The following VWF variants were observed in gnomAD, a reference collection of about 807,000 sequenced individuals.
The protein encoded by VWF is von Willebrand factor, also known as Factor VIII related antigen.
In VWF, 176 loss-of-function variants were observed where a neutral mutation model predicts 308.6. The ratio of observed to expected loss-of-function variants is 0.57; its 90% confidence interval spans 0.50 to 0.65. The LOEUF (loss-of-function observed/expected upper bound fraction) is 0.65, where lower values mean the gene tolerates loss of function less well. Among genes scored for constraint, VWF ranks in the 30% least tolerant of loss-of-function variants. The probability of loss-of-function intolerance (pLI) is 0.00; values close to 1 mark genes in which losing one functional copy is unlikely to be tolerated. For synonymous variants in VWF, 1,385 were observed against 1,443.4 expected, an observed-to-expected ratio of 0.96 and a Z score of 0.92; for missense variants, 3,146 against 3,648.2, an observed-to-expected ratio of 0.86 and a Z score of 3.55.
rs202071997 is a variant in VWF at position 5,970,603 on chromosome 12, ACC to A, written c.7548+994_7548+995del. On this transcript the variant is annotated intron_variant, in intron 44 of 51. Coordinates refer to ENST00000261405, the MANE Select transcript of VWF (RefSeq NM_000552.5). ...GGGAGGGGAGAACACAGGGAAGAGAACCCATAGGCAACTCGGACTAGAGGGGG... is the reference window on the plus strand; with the variant it reads ...GGGAGGGGAGAACACAGGGAAGAGAACATAGGCAACTCGGACTAGAGGGGG... Among the ~76,000 whole-genome samples the A allele has an allele frequency of 6.8e-3, 1,039 of 152,260 alleles. 12 individuals carry two copies. Among genetic ancestry groups the A allele is most frequent in the African/African-American group, 0.024 (993 of 41,548 alleles).
intron 14 of VWF, 62 bp from the exon 15 acceptor site, chr12:6,057,134 G>T (rs1231434626): frequency 7.0e-7 from 1 of 1,425,408 alleles, no homozygotes; most frequent in African/African-American, 1.4e-5. Context: ...ACGCCCTCCC[G>T]GTCAACACTC....
At chr12:6,057,484 TTA>T (rs773631137) in intron 14 of VWF, among the ~76,000 whole-genome samples, 700 of 49,842 alleles carry the variant, frequency 0.014, 5 homozygotes, top group African/African-American at 0.035. Flanking sequence ...GGCAAATTTA[TTA>T]TTATTATTAT....
intron 1 of VWF, among the ~76,000 whole-genome samples, chr12:6,123,483 C>T (rs1945453742): frequency 6.6e-6 from 1 of 152,206 alleles, no homozygotes; most frequent in Non-Finnish European, 1.5e-5. Flanking sequence ...TGCCTTCCCT[C>T]CAGGCCCGCT....
chr12:5,983,208 T>C lies in VWF; in HGVS notation c.7023A>G (p.Glu2341=), dbSNP rs778368322. The C allele has an allele frequency of 7.4e-6, 12 of 1,614,106 alleles. No homozygotes were observed. The highest frequency in any genetic ancestry group is 1.0e-5 in the Non-Finnish European group (12 of 1,180,018). Residue 2341 remains glutamate, a synonymous_variant, in exon 41 of 52, where the codon GAA becomes GAG. Transcript: ENST00000261405. ...TGGTCAGTGTGGGCTGGAGGCCACG[T>C]TCACAGTGAGGCACTGGGGGCAGGT... ...SCDLPPVPHC[E]RGLQPTLTNP... is the part of the protein sequence containing the mutation.
intron 44 of VWF, among the ~76,000 whole-genome samples, chr12:5,970,426 G>C (rs1416396180): frequency 6.6e-6 from 1 of 152,152 alleles, no homozygotes; most frequent in South Asian, 2.1e-4. Context: ...TGAGAGATGG[G>C]GAAAGGGGCA....
chr12:5,952,026 T>C (rs933111730), intron 49 of VWF, 143 bp from the exon 50 acceptor site: 8 of 851,888 alleles, frequency 9.4e-6, no homozygotes, highest in Middle Eastern at 4.4e-4. Flanking sequence ...CTATCATAAA[T>C]GTGAGCAGCT....
At position 6,034,819 on chromosome 12, in the gene VWF, G is replaced by C. The variant is rs772534075; in HGVS notation, c.2554C>G (p.Gln852Glu). ...TCTGTGCAGTTCCACTTCCGGTCCTGACAGACACTAGGAGCAGTCATGGCA... is the reference window on the plus strand; with the variant it reads ...TCTGTGCAGTTCCACTTCCGGTCCTCACAGACACTAGGAGCAGTCATGGCA... Reference protein sequence around the residue: ...VKIGCNTCVCQDRKWNCTDHV... With the variant: ...VKIGCNTCVCEDRKWNCTDHV... Residue 852 changes from glutamine (Q) to glutamate (E), a missense_variant, in exon 20 of 52, where the codon CAG becomes GAG. This residue lies in a region of VWF where 1,304 missense variants were observed against 1,353.0 expected (regional missense o/e 0.96). Transcript: ENST00000261405. 1.7e-5 allele frequency: 28 copies of C among 1,614,018 alleles called. 1 individual carries two copies. In the Admixed American group the frequency reaches 4.5e-4, roughly 26 times the overall value.
intron 47 of VWF, among the ~76,000 whole-genome samples, chr12:5,962,487 G>A (rs1943330286): frequency 6.6e-6 from 1 of 150,632 alleles, no homozygotes; most frequent in Non-Finnish European, 1.5e-5. Context: ...GATAGACAAA[G>A]GATCAGAAAA....
Position 6,046,729 on chromosome 12 carries a change from G to T in VWF, c.2275C>A (p.His759Asn). The stretch of plus-strand genomic sequence containing the variant: ...CCAGGGGGACAGTACTCACTGCGAT[G>T]AGACAGGGGACTGCTGAGGACAGCG... ...PDAVLSSPLS[H>N]RSKRSLSCRP... The change falls in exon 17 of 52, where the codon CAT (histidine) becomes AAT (asparagine). Residue 759 changes from histidine to asparagine, a missense_variant. By Grantham distance (68) the His-to-Asn change is moderately conservative (BLOSUM62 1). Coordinates refer to ENST00000261405, the MANE Select transcript of VWF (RefSeq NM_000552.5). The surrounding 1 kb of genome is among the most constrained non-coding windows in gnomAD (Gnocchi z 5.0). The T allele has an allele frequency of 6.2e-7, 1 of 1,614,120 alleles. No homozygotes were observed. The highest frequency in any genetic ancestry group is 8.5e-7 in the Non-Finnish European group (1 of 1,180,008).
intron 6 of VWF, among the ~76,000 whole-genome samples, chr12:6,085,980 G>A (rs1441747657): frequency 6.6e-6 from 1 of 152,146 alleles, no homozygotes; most frequent in Admixed American, 6.5e-5. Context: ...CATGAGGCTA[G>A]ACCCCCAAGG....
At chr12:6,079,063 T>C (rs1180108066) in intron 6 of VWF, among the ~76,000 whole-genome samples, 1 of 152,224 alleles carries the variant, frequency 6.6e-6, no homozygotes, top group Non-Finnish European at 1.5e-5. Context: ...GTTTCTTTCT[T>C]AGCAGAAACA....
chr12:6,086,980 A>G (rs1457077837), intron 6 of VWF, among the ~76,000 whole-genome samples: 1 of 152,206 alleles, frequency 6.6e-6, no homozygotes, highest in Non-Finnish European at 1.5e-5. Context: ...ATGCTGTTTC[A>G]GAGGAGGCGG....
In VWF at chr12:6,016,200, T is replaced by C; in HGVS notation, c.5344A>G (p.Thr1782Ala). The C allele has an allele frequency of 6.2e-7, 1 of 1,614,166 alleles. No individual in the cohort carries two copies. The change falls in exon 31 of 52, where the codon ACT becomes GCT. Residue 1782 changes from threonine to alanine, a missense_variant. This residue lies in a region of VWF where 853 missense variants were observed against 1,177.8 expected (regional missense o/e 0.72). Coordinates refer to ENST00000261405, the MANE Select transcript of VWF (RefSeq NM_000552.5). ...DALGFAVRYLTSEMHGARPGA... is the reference protein window; with the variant it reads ...DALGFAVRYLASEMHGARPGA... ...GGCCTGGCACCATGCATTTCTGAAG[T>C]CAAGTATCGCACAGCAAAGCCCAAG... is the stretch of plus-strand genomic sequence containing the variant.
At chr12:5,979,917 T>G in intron 42 of VWF, among the ~76,000 whole-genome samples, 1 of 148,890 alleles carries the variant, frequency 6.7e-6, no homozygotes, top group East Asian at 2.0e-4. Flanking sequence ...GGCGGGCGCC[T>G]GTAGTCCCAG....
chr12:6,110,596 G>GAACTT lies in VWF; in HGVS notation c.324-15_324-14insAAGTT. On this transcript the variant is annotated splice_polypyrimidine_tract_variant and intron_variant, in intron 4 of 51. Coordinates refer to ENST00000261405, the MANE Select transcript of VWF (RefSeq NM_000552.5). ...GGCATGGAGACTCTGGAGGGCAAAG[G>GAACTT]CTAAGTTCAGAAGTGGGCTTCTTGT... 4 of 1,613,488 alleles carry GAACTT rather than the reference G, an allele frequency of 2.5e-6. No individual in the cohort carries two copies. The highest frequency in any genetic ancestry group is 3.4e-6 in the Non-Finnish European group (4 of 1,179,480).
rs1324965095 is a variant in VWF at position 6,020,750 on chromosome 12, G to T, written c.3675-1007C>A. Among the ~76,000 whole-genome samples the T allele has an allele frequency of 6.6e-6, 1 of 152,252 alleles. No homozygotes were observed. The highest frequency in any genetic ancestry group is 1.5e-5 in the Non-Finnish European group (1 of 68,040). On this transcript the variant is annotated intron_variant, in intron 27 of 51. Transcript: ENST00000261405. The surrounding 1 kb of genome is among the most constrained non-coding windows in gnomAD (Gnocchi z 4.3). ...AGCTGACAAGGCGGCAGCGCCCTGA[G>T]CCTGGGAAGTGTCCCCCTGCGGCTT...
chr12:6,026,000 T>C lies in VWF; in HGVS notation c.3014A>G (p.Asn1005Ser), dbSNP rs749285654. Reference sequence around the variant, plus strand: ...TTGGAGGTTGCTGCTGGTGAGGTCATTGTTCTGGATGCCATCAAAATTCCC... The same window carrying C: ...TTGGAGGTTGCTGCTGGTGAGGTCACTGTTCTGGATGCCATCAAAATTCCC... Reference protein sequence around the residue: ...LCGNFDGIQNNDLTSSNLQVE... With the variant: ...LCGNFDGIQNSDLTSSNLQVE... Residue 1005 changes from asparagine to serine, a missense_variant, in exon 23 of 52, where the codon AAT (asparagine) becomes AGT (serine). Coordinates refer to ENST00000261405, the MANE Select transcript of VWF (RefSeq NM_000552.5). The C allele has an allele frequency of 8.1e-6, 13 of 1,613,860 alleles. No individual in the cohort carries two copies. The highest frequency in any genetic ancestry group is 2.7e-5 in the African/African-American group (2 of 74,918).
In VWF at chr12:5,962,875, G is replaced by A. The variant is rs568582655; in HGVS notation, c.7887+4611C>T. 5.3e-5 allele frequency among the ~76,000 whole-genome samples: 8 copies of A among 152,258 alleles called. 1 individual carries two copies. Among genetic ancestry groups the A allele is most frequent in the Middle Eastern group, 3.4e-3 (1 of 294 alleles). On this transcript the variant is annotated intron_variant, in intron 47 of 51. Transcript: ENST00000261405. ...GCAATTCATTTTTTACAAAGGCACC[G>A]ACATAATTTAATGAGGAAAGGATCA...
At chr12:5,999,471 T>TACACACACACACA (rs71445688) in intron 34 of VWF, among the ~76,000 whole-genome samples, 1 of 143,558 alleles carries the variant, frequency 7.0e-6, no homozygotes, top group East Asian at 2.0e-4. Context: ...TGTACACACA[T>TACACACACACACA]ACACACACAC....
Sources: gnomAD v4.1 joint callset for allele counts (sites outside exome capture counted in the v4.1 genomes callset) on GRCh38, gnomAD v4.1.1 for gene constraint, gnomAD v4.1.1 regional missense constraint, Gnocchi (gnomAD v3.1) non-coding constraint, MANE v1.5 for transcripts, NCBI Gene and HGNC (gene_info 2026-07-23, HGNC 2026-07-21) for gene names.